The following ZNF423 variants were observed in gnomAD, a reference collection of about 807,000 sequenced individuals.
ZNF423 encodes the protein zinc finger protein 423.
In ZNF423, 12 loss-of-function variants were observed where a neutral mutation model predicts 95.8. The observed-to-expected ratio is 0.13, with a 90% CI of 0.08 to 0.20. ZNF423 has a LOEUF of 0.20. Ranked by LOEUF, ZNF423 falls within the 10% of genes least tolerant of loss-of-function variation. The pLI is 1.00. For synonymous variants in ZNF423, 749 were observed against 711.9 expected, an observed-to-expected ratio of 1.05 and a Z score of -0.83; for missense variants, 1,316 against 1,737.1, an observed-to-expected ratio of 0.76 and a Z score of 4.31.
chr16:49,659,655 C>A (rs1037241062), intron 3 of ZNF423, among the ~76,000 whole-genome samples: 1 of 152,222 alleles, frequency 6.6e-6, no homozygotes, highest in South Asian at 2.1e-4. Context: ...CAGTGTAATG[C>A]AGGGGAGAGA....
Position 49,789,504 on chromosome 16 carries a change from G to A in ZNF423, c.83C>T (p.Ser28Phe). 1 of 1,612,492 alleles carries A rather than the reference G, an allele frequency of 6.2e-7. No homozygotes were observed. Among genetic ancestry groups the A allele is most frequent in the East Asian group, 2.2e-5 (1 of 44,610 alleles). ...GCATTTACCTGCTGCTGTCACGGAG[G>A]AATCCCAGGCCAGCGAGAAGTCTGA... ...EASDFSLAWD[S>F]SVTAAGGLEG... The change falls in exon 2 of 8, where the codon TCC becomes TTC. Residue 28 changes from serine to phenylalanine, a missense_variant. Around this residue, in one of 6 missense-constraint regions of ZNF423, gnomAD observed 155 missense variants for 170.8 expected, o/e 0.91. Transcript: ENST00000563137.
At chr16:49,693,173 C>T (rs2031850675) in intron 3 of ZNF423, among the ~76,000 whole-genome samples, 1 of 152,238 alleles carries the variant, frequency 6.6e-6, no homozygotes, top group South Asian at 2.1e-4. Flanking sequence ...CCTCCGGCTT[C>T]CCCTTCCTAC....
intron 1 of ZNF423, among the ~76,000 whole-genome samples, chr16:49,816,814 G>A (rs940143240): frequency 6.6e-6 from 1 of 152,092 alleles, no homozygotes; most frequent in African/African-American, 2.4e-5. Flanking sequence ...AGCGTTTATT[G>A]TAAATGTCTT....
intron 3 of ZNF423, among the ~76,000 whole-genome samples, chr16:49,690,008 G>T (rs1354260533): frequency 6.6e-6 from 1 of 152,104 alleles, no homozygotes; most frequent in Non-Finnish European, 1.5e-5. Context: ...CCCAGGAAAG[G>T]CTTCCTCTCC....
chr16:49,693,113 T>C (rs1203693112), intron 3 of ZNF423, among the ~76,000 whole-genome samples: 3 of 152,400 alleles, frequency 2.0e-5, no homozygotes, highest in South Asian at 4.1e-4. Flanking sequence ...GCTTATTACA[T>C]GCCAAGCATT....
chr16:49,506,979 A>C (rs1351985312), intron 7 of ZNF423, among the ~76,000 whole-genome samples: 1 of 152,084 alleles, frequency 6.6e-6, no homozygotes, highest in African/African-American at 2.4e-5. Flanking sequence ...AGAGGAGTGC[A>C]TGAATAAATA....
At chr16:49,858,774 G>T, upstream of ZNF423, among the ~76,000 whole-genome samples, 1 of 151,986 alleles carries the variant, frequency 6.6e-6, no homozygotes, top group East Asian at 1.9e-4. The surrounding 1 kb of genome is among the most constrained non-coding windows in gnomAD (Gnocchi z 4.3). Context: ...TGAACCGGGG[G>T]TGCCAAGGGC....
intron 5 of ZNF423, among the ~76,000 whole-genome samples, chr16:49,611,216 C>T (rs533428167): frequency 2.9e-4 from 44 of 152,012 alleles, no homozygotes; most frequent in African/African-American, 9.6e-4. Context: ...TTTTCAAATG[C>T]GTAGAGAACA....
intron 5 of ZNF423, among the ~76,000 whole-genome samples, chr16:49,590,200 T>G (rs913417904): frequency 2.6e-5 from 4 of 151,348 alleles, no homozygotes; most frequent in Admixed American, 6.6e-5. Context: ...ACAGAAGAAA[T>G]GCAATAACCT....
At chr16:49,701,877 A>G (rs1443561249) in intron 3 of ZNF423, among the ~76,000 whole-genome samples, 1 of 152,196 alleles carries the variant, frequency 6.6e-6, no homozygotes, top group Non-Finnish European at 1.5e-5. Context: ...ATCTCCCCAC[A>G]GAGTTTTTCT....
chr16:49,749,988 G>A (rs902286350), intron 2 of ZNF423, among the ~76,000 whole-genome samples: 2 of 152,218 alleles, frequency 1.3e-5, no homozygotes, highest in South Asian at 2.1e-4. Context: ...CATCCGTGCA[G>A]ATGGAAAGGG....
At chr16:49,542,337 T>C (rs1362629) in intron 5 of ZNF423, among the ~76,000 whole-genome samples, 146,870 of 152,358 alleles carry the variant, frequency 0.96, 70,827 homozygotes, top group East Asian at 1. Context: ...CCACTGAGTG[T>C]CCCGGTGGCC....
intron 3 of ZNF423, among the ~76,000 whole-genome samples, chr16:49,660,636 A>C (rs1441718554): frequency 6.6e-6 from 1 of 152,166 alleles, no homozygotes; most frequent in Non-Finnish European, 1.5e-5. Context: ...GCAGAATGCA[A>C]TTACTCCAGT....
intron 2 of ZNF423, among the ~76,000 whole-genome samples, chr16:49,734,892 T>A (rs2033249609): frequency 6.6e-6 from 1 of 152,208 alleles, no homozygotes; most frequent in African/African-American, 2.4e-5. Context: ...TGAGTTGATG[T>A]CATCATATCC....
intron 4 of ZNF423, among the ~76,000 whole-genome samples, chr16:49,628,390 C>T (rs1404393666): frequency 1.3e-5 from 2 of 151,618 alleles, no homozygotes; most frequent in Non-Finnish European, 2.9e-5. Flanking sequence ...ACCCATCTAC[C>T]CATTCATCCA....
intron 1 of ZNF423, among the ~76,000 whole-genome samples, chr16:49,813,718 C>A (rs554656486): frequency 1.3e-5 from 2 of 152,210 alleles, no homozygotes; most frequent in African/African-American, 4.8e-5. Flanking sequence ...TCTCTTTTGG[C>A]TTAAGTTGTC....
At chr16:49,605,096 G>A (rs538943402) in intron 5 of ZNF423, among the ~76,000 whole-genome samples, 7 of 152,168 alleles carry the variant, frequency 4.6e-5, no homozygotes, top group African/African-American at 1.4e-4. Context: ...AATAGTCCCG[G>A]CCCTGGGTCT....
chr16:49,534,128 A>C (rs1968964912), intron 5 of ZNF423, among the ~76,000 whole-genome samples: 1 of 151,866 alleles, frequency 6.6e-6, no homozygotes, highest in Non-Finnish European at 1.5e-5. Flanking sequence ...ATGGAGGGAG[A>C]CTCTGTCTCT....
chr16:49,777,021 C>T (rs759491838), intron 2 of ZNF423, among the ~76,000 whole-genome samples: 8 of 152,270 alleles, frequency 5.3e-5, no homozygotes, highest in Admixed American at 2.0e-4. Context: ...TGTGCACATG[C>T]GCACTATGGG....
Sources: gnomAD v4.1 joint callset for allele counts (sites outside exome capture counted in the v4.1 genomes callset) on GRCh38, gnomAD v4.1.1 for gene constraint, gnomAD v4.1.1 regional missense constraint, Gnocchi (gnomAD v3.1) non-coding constraint, MANE v1.5 for transcripts, NCBI Gene and HGNC (gene_info 2026-07-23, HGNC 2026-07-21) for gene names.